Variants in DNAJA1 observed in about 807,000 individuals in gnomAD.
The protein encoded by DNAJA1 is DnaJ heat shock protein family (Hsp40) member A1.
Under a neutral mutation model 47.6 loss-of-function variants are expected in DNAJA1, and 26 were observed. The observed-to-expected ratio is 0.55, with a 90% confidence interval of 0.40 to 0.76. DNAJA1 has a LOEUF of 0.76. Among genes scored for constraint, DNAJA1 ranks in the 30% least tolerant of loss-of-function variants. The pLI, the probability that DNAJA1 is intolerant of heterozygous loss-of-function variation, is 0.00. For synonymous variants in DNAJA1, 165 were observed against 158.4 expected, an observed-to-expected ratio of 1.04 and a Z score of -0.31; for missense variants, 315 against 485.0, an observed-to-expected ratio of 0.65 and a Z score of 3.29.
chr9:33,036,502 A>C, intron 6 of DNAJA1, 72 bp from the exon 7 acceptor site: 1 of 1,004,222 alleles, frequency 1.0e-6, no homozygotes, highest in Admixed American at 2.6e-5. Flanking sequence ...ATTAAACAAA[A>C]AAACAGCCTG....
At chr9:33,031,136 C>G (rs1838955265) in intron 5 of DNAJA1, among the ~76,000 whole-genome samples, 1 of 152,184 alleles carries the variant, frequency 6.6e-6, no homozygotes, top group Admixed American at 6.5e-5. Context: ...CTCTTGTTTC[C>G]CAGGCTGGAG....
Position 33,026,847 on chromosome 9 carries a change from C to G in DNAJA1, c.167C>G (p.Ser56Cys). 5 of 1,614,062 alleles carry G rather than the reference C, an allele frequency of 3.1e-6. No homozygotes were observed. The highest frequency in any genetic ancestry group is 4.2e-6 in the Non-Finnish European group (5 of 1,180,006). ...ATTTCTCAAGCTTACGAAGTTCTCTCTGATGCAAAGAAAAGGGAATTATAT... is the reference window on the plus strand; with the variant it reads ...ATTTCTCAAGCTTACGAAGTTCTCTGTGATGCAAAGAAAAGGGAATTATAT... ...KQISQAYEVL[S>C]DAKKRELYDK... The change falls in exon 3 of 9, where the codon TCT becomes TGT. Residue 56 changes from serine to cysteine, a missense_variant. Around this residue, in one of 4 missense-constraint regions of DNAJA1, gnomAD observed 100 missense variants for 163.0 expected, o/e 0.61. Transcript: ENST00000330899.
intron 7 of DNAJA1, 110 bp downstream of exon 7, chr9:33,036,799 C>G (rs1235227389): frequency 2.3e-6 from 2 of 861,666 alleles, no homozygotes; most frequent in Non-Finnish European, 3.6e-6. Context: ...GTTTTTCTTT[C>G]TCGGTTACAT....
In DNAJA1 at chr9:33,026,557, G is replaced by T; in HGVS notation, c.73G>T (p.Ala25Ser). Reference sequence around the variant, plus strand: ...TGCTACTCAGGAAGAATTGAAAAAGGCTTATAGGAAACTGGCTTTGAAGTA... The same window carrying T: ...TGCTACTCAGGAAGAATTGAAAAAGTCTTATAGGAAACTGGCTTTGAAGTA... ...PNATQEELKK[A>S]YRKLALKYHP... The change falls in exon 2 of 9, where the codon GCT (alanine) becomes TCT (serine). Residue 25 changes from alanine (A) to serine (S), a missense_variant. Ala to Ser is a moderately conservative substitution (Grantham distance 99). This residue lies in a region of DNAJA1 where 100 missense variants were observed against 163.0 expected (regional missense o/e 0.61). Coordinates refer to ENST00000330899, the MANE Select transcript of DNAJA1 (RefSeq NM_001539.4). The T allele has an allele frequency of 6.2e-7, 1 of 1,611,694 alleles. No homozygotes were observed. The highest frequency in any genetic ancestry group is 8.5e-7 in the Non-Finnish European group (1 of 1,179,506).
At chr9:33,030,800 CTTAGTAAA>C in intron 5 of DNAJA1, 133 bp downstream of exon 5, 1 of 786,708 alleles carries the variant, frequency 1.3e-6, no homozygotes, top group South Asian at 2.0e-5. Flanking sequence ...CTCTTAGCAG[CTTAGTAAA>C]TAATGTTCTT....
At chr9:33,036,806 A>G in intron 7 of DNAJA1, 117 bp downstream of exon 7, 2 of 831,170 alleles carry the variant, frequency 2.4e-6, no homozygotes, top group Non-Finnish European at 3.7e-6. Context: ...TTTCTCGGTT[A>G]CATATCCTTC....
Position 33,030,435 on chromosome 9 carries a change from T to C in DNAJA1, c.416-5T>C. The C allele has an allele frequency of 6.2e-7, 1 of 1,609,378 alleles. No individual in the cohort carries two copies. The highest frequency in any genetic ancestry group is 1.7e-5 in the Admixed American group (1 of 59,976). ...TACATTATTTAATTTTCTTTTTAAATTTAGGTAGAGGAGGTAAGAAAGGAG... is the reference window on the plus strand; with the variant it reads ...TACATTATTTAATTTTCTTTTTAAACTTAGGTAGAGGAGGTAAGAAAGGAG... On this transcript the variant is annotated splice_polypyrimidine_tract_variant and splice_region_variant and intron_variant, in intron 4 of 8. Transcript: ENST00000330899.
intron 1 of DNAJA1, 91 bp from the exon 2 acceptor site, chr9:33,026,384 G>A (rs1437221852): frequency 7.1e-7 from 1 of 1,417,452 alleles, no homozygotes; most frequent in Non-Finnish European, 9.5e-7. Context: ...CTTATAATCG[G>A]ATTTTGCAAA....
Position 33,025,365 on chromosome 9 carries a change from C to G in DNAJA1, c.-29C>G, listed in dbSNP as rs1450548953. ...GCGCTCCTTCCCGCTCCCTCACACA[C>G]CGGCCTCAGCCCGCACCGGTGAGTT... On this transcript the variant is annotated 5_prime_UTR_variant, in exon 1 of 9. Coordinates refer to ENST00000330899, the MANE Select transcript of DNAJA1 (RefSeq NM_001539.4). 1 of 152,538 alleles carries G rather than the reference C, an allele frequency of 6.6e-6. No individual in the cohort carries two copies. Among genetic ancestry groups the G allele is most frequent in the Non-Finnish European group, 1.5e-5 (1 of 68,176 alleles). 9.4% of individuals were successfully genotyped at this position (152,538 alleles called of 1,614,324 possible). A position where few individuals can be genotyped will look rare whatever the true frequency, so the allele number is the denominator to read the frequency against.
At chr9:33,036,979 C>A in intron 7 of DNAJA1, 36 bp from the exon 8 acceptor site, 1 of 1,562,708 alleles carries the variant, frequency 6.4e-7, no homozygotes, top group South Asian at 1.1e-5. Context: ...AAAATGTGAC[C>A]ATACTTAAGG....
intron 8 of DNAJA1, 85 bp from the exon 9 acceptor site, chr9:33,038,600 G>A (rs953640998): frequency 4.1e-5 from 51 of 1,256,806 alleles, no homozygotes; most frequent in Non-Finnish European, 5.4e-5. Flanking sequence ...GTGTTTACAT[G>A]TGTTTTTCTG....
At chr9:33,034,721 T>C (rs1839008577) in intron 6 of DNAJA1, among the ~76,000 whole-genome samples, 2 of 152,236 alleles carry the variant, frequency 1.3e-5, no homozygotes, top group Admixed American at 1.3e-4. Flanking sequence ...AAAGCATCTC[T>C]GTAGGAAACT....
At chr9:33,031,733 G>C (rs1838964222) in intron 5 of DNAJA1, among the ~76,000 whole-genome samples, 1 of 152,046 alleles carries the variant, frequency 6.6e-6, no homozygotes, top group Non-Finnish European at 1.5e-5. Flanking sequence ...ACCTGGCCTG[G>C]GCTAGTTTAA....
At chr9:33,037,192 C>A in intron 8 of DNAJA1, 77 bp downstream of exon 8, 2 of 1,299,084 alleles carry the variant, frequency 1.5e-6, no homozygotes, top group South Asian at 1.3e-5. Context: ...AAATTTCAGC[C>A]AGGTGCAAGT....
At chr9:33,032,867 A>G (rs1266006043) in intron 5 of DNAJA1, among the ~76,000 whole-genome samples, 2 of 152,198 alleles carry the variant, frequency 1.3e-5, no homozygotes, top group Non-Finnish European at 2.9e-5. Context: ...GGTGTAATAC[A>G]TGAAATATTA....
chr9:33,028,968 G>A (rs563752553), intron 3 of DNAJA1, among the ~76,000 whole-genome samples: 11 of 152,318 alleles, frequency 7.2e-5, no homozygotes, highest in Non-Finnish European at 8.8e-5. Context: ...TAATATTGTT[G>A]TGAATAAGTC....
chr9:33,027,085 T>C (rs1838884879), intron 3 of DNAJA1, 95 bp downstream of exon 3: 3 of 1,466,388 alleles, frequency 2.0e-6, no homozygotes, highest in South Asian at 1.2e-5. Flanking sequence ...CTTGTTTACA[T>C]GTTGGTATAA....
At chr9:33,026,293 TTTG>T in intron 1 of DNAJA1, among the ~76,000 whole-genome samples, 179 bp from the exon 2 acceptor site, 1 of 152,332 alleles carries the variant, frequency 6.6e-6, no homozygotes, top group African/African-American at 2.4e-5. Context: ...ATAATGATTA[TTTG>T]TTTTGTCTGT....
In DNAJA1 at chr9:33,038,714, T is replaced by A; in HGVS notation, c.1005T>A (p.Ser335=). The A allele has an allele frequency of 6.2e-7, 1 of 1,614,148 alleles. No homozygotes were observed. The highest frequency in any genetic ancestry group is 8.5e-7 in the Non-Finnish European group (1 of 1,180,022). Residue 335 remains serine (S), a synonymous_variant, in exon 9 of 9, where the codon TCT becomes TCA. Coordinates refer to ENST00000330899, the MANE Select transcript of DNAJA1 (RefSeq NM_001539.4). ...KVNFPENGFL[S]PDKLSLLEKL... is the part of the protein sequence containing the mutation. The stretch of plus-strand genomic sequence containing the variant: ...ACTTTCCTGAGAATGGCTTTCTCTC[T>A]CCTGATAAACTGTCTTTGCTGGAAA...
Sources: gnomAD v4.1 joint callset for allele counts (sites outside exome capture counted in the v4.1 genomes callset) on GRCh38, gnomAD v4.1.1 for gene constraint, gnomAD v4.1.1 regional missense constraint, MANE v1.5 for transcripts, NCBI Gene and HGNC (gene_info 2026-07-23, HGNC 2026-07-21) for gene names.